Variants in POU6F2 observed in about 807,000 individuals in gnomAD.
The protein encoded by POU6F2 is POU class 6 homeobox 2.
Under a neutral mutation model 71.3 loss-of-function variants are expected in POU6F2, and 31 were observed. That is an observed-to-expected ratio of 0.43 (90% confidence interval 0.33 to 0.59). The LOEUF (loss-of-function observed/expected upper bound fraction) is 0.59. Ranked by LOEUF, POU6F2 falls within the 20% of genes least tolerant of loss-of-function variation. The probability of loss-of-function intolerance (pLI) is 0.04; values close to 1 mark genes in which losing one functional copy is unlikely to be tolerated. For missense variants in POU6F2, 783 were observed against 856.8 expected (o/e 0.91, Z 1.07); for synonymous variants, 347 against 355.7 (o/e 0.98, Z 0.27).
At chr7:39,439,422 T>G (rs58810887) in intron 7 of POU6F2, among the ~76,000 whole-genome samples, 51,232 of 152,132 alleles carry the variant, frequency 0.34, 9,639 homozygotes, top group East Asian at 0.58. Flanking sequence ...TTGTTATTTT[T>G]CACACTAGTT....
chr7:39,123,373 G>A (rs899133896), intron 2 of POU6F2, among the ~76,000 whole-genome samples: 4 of 152,158 alleles, frequency 2.6e-5, no homozygotes, highest in Non-Finnish European at 5.9e-5. Flanking sequence ...ACACAGACAG[G>A]AGTTAATAAC....
chr7:39,251,928 A>G (rs552108126), intron 4 of POU6F2, among the ~76,000 whole-genome samples: 1 of 152,272 alleles, frequency 6.6e-6, no homozygotes, highest in African/African-American at 2.4e-5. Context: ...GAGAAAAGTA[A>G]AGGGACTCAA....
In POU6F2 at chr7:39,248,011, A is replaced by T. The variant is rs201817106; in HGVS notation, c.598+40391A>T. Among the ~76,000 whole-genome samples the T allele has an allele frequency of 1.9e-4, 29 of 152,268 alleles. No individual in the cohort carries two copies. In the East Asian group the frequency reaches 5.2e-3, roughly 27 times the overall value. On this transcript the variant is annotated intron_variant, in intron 4 of 9. Transcript: ENST00000518318. The stretch of plus-strand genomic sequence containing the variant: ...CATTTAATTTCTTAGTATGTATCCC[A>T]GGTGGATGCCTCAAAATACATCCAA...
At chr7:39,231,946 C>G (rs1263935545) in intron 4 of POU6F2, among the ~76,000 whole-genome samples, 2 of 152,096 alleles carry the variant, frequency 1.3e-5, no homozygotes, top group Non-Finnish European at 2.9e-5. Context: ...TCCCAGAGCC[C>G]CTGTCCATGA....
chr7:39,166,861 C>A (rs1793125882), intron 2 of POU6F2, among the ~76,000 whole-genome samples: 1 of 152,110 alleles, frequency 6.6e-6, no homozygotes, highest in South Asian at 2.1e-4. Flanking sequence ...CAGTAGTGTC[C>A]CAAATTTGAG....
chr7:39,127,090 A>C (rs1169174630), intron 2 of POU6F2, among the ~76,000 whole-genome samples: 1 of 152,244 alleles, frequency 6.6e-6, no homozygotes, highest in Non-Finnish European at 1.5e-5. Context: ...ATGTAAATTA[A>C]ATGTATTCAT....
chr7:39,003,105 A>G (rs1031723980), intron 1 of POU6F2, among the ~76,000 whole-genome samples: 9 of 152,214 alleles, frequency 5.9e-5, no homozygotes, highest in African/African-American at 2.2e-4. Flanking sequence ...ATTGTAGTAC[A>G]TTTGTACTAC....
chr7:39,278,101 G>T, intron 4 of POU6F2, among the ~76,000 whole-genome samples: 1 of 38,216 alleles, frequency 2.6e-5, no homozygotes, highest in African/African-American at 5.4e-5. Context: ...GGGAGGGAGG[G>T]AGGGAGGGGG....
chr7:39,062,356 G>A (rs78030124), intron 1 of POU6F2, among the ~76,000 whole-genome samples: 1,906 of 151,952 alleles, frequency 0.013, 39 homozygotes, highest in African/African-American at 0.043. Context: ...GAGAACTGTC[G>A]AATGAGAAAA....
At chr7:39,331,867 C>T (rs1201660575) in intron 4 of POU6F2, among the ~76,000 whole-genome samples, 3 of 152,164 alleles carry the variant, frequency 2.0e-5, no homozygotes, top group Admixed American at 1.3e-4. Context: ...TTTTATTGCA[C>T]AATTGGTTTA....
chr7:39,390,229 C>T (rs1787038905), intron 5 of POU6F2, among the ~76,000 whole-genome samples: 1 of 152,138 alleles, frequency 6.6e-6, no homozygotes, highest in African/African-American at 2.4e-5. Context: ...AACCCCATCT[C>T]TACTAAAAAT....
chr7:39,014,458 T>G (rs1290048115), intron 1 of POU6F2, among the ~76,000 whole-genome samples: 1 of 152,192 alleles, frequency 6.6e-6, no homozygotes, highest in Admixed American at 6.5e-5. Context: ...TTAGATGTTG[T>G]TTAGCAATTT....
chr7:39,441,445 AG>A (rs1788402544), intron 7 of POU6F2, among the ~76,000 whole-genome samples: 1 of 152,122 alleles, frequency 6.6e-6, no homozygotes, highest in Non-Finnish European at 1.5e-5. Flanking sequence ...AAGAGGAGCA[AG>A]GGAAGAAAAA....
intron 1 of POU6F2, among the ~76,000 whole-genome samples, chr7:39,025,954 C>T (rs1789790836): frequency 6.6e-6 from 1 of 152,208 alleles, no homozygotes; most frequent in Non-Finnish European, 1.5e-5. Context: ...TGAACAGACA[C>T]TTCTCAAAAG....
rs545058483 is a variant in POU6F2 at position 39,453,505 on chromosome 7, G to T, written c.1489+1804G>T. On this transcript the variant is annotated intron_variant, in intron 8 of 9. Coordinates refer to ENST00000518318, the MANE Select transcript of POU6F2 (RefSeq NM_001370959.1). ...GAAATAAGTTAAATATGAAAAAGAA[G>T]TACAAACAACCTCCTACTAATACAG... Among the ~76,000 whole-genome samples, 64 of 152,290 alleles carry T rather than the reference G, an allele frequency of 4.2e-4. No homozygotes were observed. In the South Asian group the frequency reaches 0.011, roughly 26 times the overall value.
intron 5 of POU6F2, among the ~76,000 whole-genome samples, chr7:39,363,253 G>A (rs1786428888): frequency 1.3e-5 from 2 of 152,260 alleles, no homozygotes; most frequent in South Asian, 2.1e-4. Flanking sequence ...GCTTTGGAGT[G>A]TAAGGAAAAC....
At chr7:39,396,891 C>T (rs1583572412) in intron 5 of POU6F2, among the ~76,000 whole-genome samples, 1 of 137,710 alleles carries the variant, frequency 7.3e-6, no homozygotes, top group South Asian at 2.3e-4. Flanking sequence ...CCACCATAAC[C>T]AATCATTAAA....
intron 2 of POU6F2, among the ~76,000 whole-genome samples, chr7:39,109,979 T>G (rs1791770222): frequency 6.6e-6 from 1 of 152,136 alleles, no homozygotes; most frequent in Non-Finnish European, 1.5e-5. Context: ...AAGAATTAAA[T>G]TATATAATTG....
intron 1 of POU6F2, among the ~76,000 whole-genome samples, chr7:39,028,448 T>C (rs1475470375): frequency 6.6e-6 from 1 of 152,148 alleles, no homozygotes; most frequent in Non-Finnish European, 1.5e-5. Context: ...AAAATATTGC[T>C]TTGCTGTCTT....
Sources: allele counts gnomAD v4.1 joint callset (sites outside exome capture counted in the v4.1 genomes callset), GRCh38; gene constraint gnomAD v4.1.1; transcripts MANE v1.5; gene names NCBI Gene and HGNC (gene_info 2026-07-23, HGNC 2026-07-21).